TMEM200A: variants seen among roughly 807,000 people sequenced by gnomAD.
TMEM200A encodes transmembrane protein 200A.
In TMEM200A, 12 loss-of-function variants were observed where a neutral mutation model predicts 24.3. The ratio of observed to expected loss-of-function variants is 0.49; its 90% CI spans 0.32 to 0.80. TMEM200A has a LOEUF of 0.80. Among genes scored for constraint, TMEM200A ranks in the 30% least tolerant of loss-of-function variants. The probability of loss-of-function intolerance (pLI) is 0.04; values close to 1 mark genes in which losing one functional copy is unlikely to be tolerated. For synonymous variants in TMEM200A, 224 were observed against 224.4 expected (o/e 1.00, Z 0.02); for missense variants, 545 against 614.4 (o/e 0.89, Z 1.19).
chr6:130,417,918 T>C (rs777552744), intron 2 of TMEM200A, among the ~76,000 whole-genome samples: 25 of 152,140 alleles, frequency 1.6e-4, no homozygotes, highest in Non-Finnish European at 2.9e-4. Context: ...TTGCTCTTAA[T>C]TTGCACACAT....
At position 130,441,653 on chromosome 6, in the gene TMEM200A, G is replaced by A; in HGVS notation, c.1231G>A (p.Ala411Thr). ...GGGTCCCTCCACTCTAACTGTTCAG[G>A]CAGAACAACGGAAACATCCAAGTTG... Reference protein sequence around the residue: ...DRGPSTLTVQAEQRKHPSWPR... With the variant: ...DRGPSTLTVQTEQRKHPSWPR... The change falls in exon 3 of 3, where the codon GCA becomes ACA. Residue 411 changes from alanine to threonine, a missense_variant. Coordinates refer to ENST00000296978, the MANE Select transcript of TMEM200A (RefSeq NM_001258277.2). 1.2e-6 allele frequency: 2 copies of A among 1,614,012 alleles called. No individual in the cohort carries two copies. Among genetic ancestry groups the A allele is most frequent in the Non-Finnish European group, 1.7e-6 (2 of 1,179,990 alleles).
intron 1 of TMEM200A, among the ~76,000 whole-genome samples, chr6:130,376,315 G>A (rs1435016933): frequency 1.3e-5 from 2 of 152,188 alleles, no homozygotes; most frequent in South Asian, 4.2e-4. Flanking sequence ...CTGTCACCCA[G>A]GCTGGAGTGC....
At chr6:130,379,067 A>T (rs1778535693) in intron 1 of TMEM200A, among the ~76,000 whole-genome samples, 1 of 152,196 alleles carries the variant, frequency 6.6e-6, no homozygotes, top group South Asian at 2.1e-4. Context: ...GCATTACTCC[A>T]TCCATGAGGG....
At chr6:130,378,685 T>C (rs1778523656) in intron 1 of TMEM200A, among the ~76,000 whole-genome samples, 1 of 142,484 alleles carries the variant, frequency 7.0e-6, no homozygotes, top group African/African-American at 2.7e-5. Flanking sequence ...ATCGTGCCAC[T>C]GCACTCCAGC....
chr6:130,419,088 A>C (rs1302062862), intron 2 of TMEM200A, among the ~76,000 whole-genome samples: 1 of 152,060 alleles, frequency 6.6e-6, no homozygotes, highest in Non-Finnish European at 1.5e-5. Context: ...GTCTCTTCCT[A>C]GCCTCTGGAA....
intron 2 of TMEM200A, among the ~76,000 whole-genome samples, chr6:130,426,452 T>C (rs909872720): frequency 7.4e-5 from 10 of 135,986 alleles, no homozygotes; most frequent in African/African-American, 3.6e-4. Context: ...AGAAGAATCC[T>C]TTCTGCAGCC....
At chr6:130,432,499 C>G (rs1191818179) in intron 2 of TMEM200A, among the ~76,000 whole-genome samples, 3 of 152,164 alleles carry the variant, frequency 2.0e-5, no homozygotes, top group Admixed American at 1.3e-4. Context: ...TATACAGATT[C>G]CATTCAGATA....
intron 2 of TMEM200A, among the ~76,000 whole-genome samples, chr6:130,429,181 A>G (rs1218819971): frequency 6.6e-6 from 1 of 152,214 alleles, no homozygotes; most frequent in Non-Finnish European, 1.5e-5. Flanking sequence ...TATAAAGTTC[A>G]TGTGCAACAT....
intron 1 of TMEM200A, among the ~76,000 whole-genome samples, chr6:130,375,803 GT>G (rs1413541357): frequency 1.3e-5 from 2 of 152,084 alleles, no homozygotes; most frequent in Non-Finnish European, 2.9e-5. Flanking sequence ...AAAAATGAGT[GT>G]TGAGATGAAG....
At chr6:130,377,958 C>T (rs1270842982) in intron 1 of TMEM200A, among the ~76,000 whole-genome samples, 1 of 152,056 alleles carries the variant, frequency 6.6e-6, no homozygotes, top group African/African-American at 2.4e-5. Context: ...CTGAATGATG[C>T]CAGGGAAGAA....
chr6:130,412,500 C>T (rs1169000110), intron 2 of TMEM200A, among the ~76,000 whole-genome samples: 1 of 152,192 alleles, frequency 6.6e-6, no homozygotes, highest in Non-Finnish European at 1.5e-5. Context: ...ATATGAAGTG[C>T]TCCTCTCTTG....
In TMEM200A at chr6:130,421,533, TGTGC is replaced by T. The variant is rs1440874919; in HGVS notation, c.-16-18873_-16-18870del. 1.2e-4 allele frequency among the ~76,000 whole-genome samples: 18 copies of T among 152,088 alleles called. No individual in the cohort carries two copies. In the South Asian group the frequency reaches 3.5e-3, roughly 30 times the overall value. On this transcript the variant is annotated intron_variant, in intron 2 of 2. Transcript: ENST00000296978. ...CTTTGTGTGTGTGTGTGTGTGTGTG[TGTGC>T]ATGCGTACATGTTAAGAACACTTAA...
intron 2 of TMEM200A, among the ~76,000 whole-genome samples, chr6:130,404,511 C>T (rs576719599): frequency 6.6e-6 from 1 of 152,164 alleles, no homozygotes; most frequent in East Asian, 1.9e-4. Context: ...CCTTTGCACA[C>T]TTTTTAATGG....
chr6:130,432,238 G>A (rs1295406704), intron 2 of TMEM200A, among the ~76,000 whole-genome samples: 1 of 152,198 alleles, frequency 6.6e-6, no homozygotes, highest in Non-Finnish European at 1.5e-5. Context: ...GAATTGATCA[G>A]ATTACTCATT....
Position 130,440,639 on chromosome 6 carries a change from A to G in TMEM200A, c.217A>G (p.Ile73Val). The G allele has an allele frequency of 2.5e-6, 4 of 1,613,904 alleles. No individual in the cohort carries two copies. Among genetic ancestry groups the G allele is most frequent in the Non-Finnish European group, 3.4e-6 (4 of 1,179,812 alleles). Residue 73 changes from isoleucine to valine, a missense_variant, in exon 3 of 3, where the codon ATT becomes GTT. Physicochemically the swap from Ile to Val is conservative, Grantham distance 29 (BLOSUM62 3). Transcript: ENST00000296978. ...FFLILGVLISIIGIAMAVLGY... is the reference protein window; with the variant it reads ...FFLILGVLISVIGIAMAVLGY... Reference sequence around the variant, plus strand: ...TCTTATTTTAGGAGTGCTCATCTCCATTATAGGAATTGCTATGGCCGTTCT... The same window carrying G: ...TCTTATTTTAGGAGTGCTCATCTCCGTTATAGGAATTGCTATGGCCGTTCT...
chr6:130,399,016 A>G (rs918124904), intron 2 of TMEM200A, among the ~76,000 whole-genome samples: 1 of 151,930 alleles, frequency 6.6e-6, no homozygotes, highest in Non-Finnish European at 1.5e-5. Context: ...GTCTGAAAAT[A>G]TATTTATTTT....
rs201963998 is a variant in TMEM200A at position 130,441,063 on chromosome 6, C to T, written c.641C>T (p.Ser214Leu). 5.0e-6 allele frequency: 8 copies of T among 1,613,906 alleles called. No homozygotes were observed. Among genetic ancestry groups the T allele is most frequent in the African/African-American group, 1.3e-5 (1 of 75,044 alleles). ...RLAANTIASF[S>L]GFRSSFRMDS... ...GCAGCAAATACGATCGCCTCTTTCT[C>T]GGGTTTTCGGAGCAGTTTTCGAATG... Residue 214 changes from serine to leucine, a missense_variant, in exon 3 of 3, where the codon TCG (serine) becomes TTG (leucine). Physicochemically the swap from Ser to Leu is moderately radical, Grantham distance 145 (BLOSUM62 -2). Transcript: ENST00000296978.
chr6:130,385,335 G>A (rs1778687969), intron 2 of TMEM200A, 99 bp downstream of exon 2: 1 of 152,202 alleles, frequency 6.6e-6, no homozygotes, highest in Non-Finnish European at 1.5e-5. Context: ...TATTCTTCCA[G>A]TGAGCTAACA....
Position 130,441,886 on chromosome 6 carries a change from A to G in TMEM200A, c.1464A>G (p.Glu488=). 6.2e-7 allele frequency: 1 copy of G among 1,600,234 alleles called. No individual in the cohort carries two copies. The highest frequency in any genetic ancestry group is 1.1e-5 in the South Asian group (1 of 87,804). The part of the protein sequence containing the change: ...LSNNLKRGTS[E]TRF ...ACAACCTAAAGAGGGGAACTTCTGA[A>G]ACAAGGTTTTAATGTTAAAAGAATA... The change falls in exon 3 of 3, where the codon GAA becomes GAG. Residue 488 remains glutamate, a synonymous_variant. Coordinates refer to ENST00000296978, the MANE Select transcript of TMEM200A (RefSeq NM_001258277.2).
Sources: allele counts gnomAD v4.1 joint callset (sites outside exome capture counted in the v4.1 genomes callset), GRCh38; gene constraint gnomAD v4.1.1; transcripts MANE v1.5; gene names NCBI Gene and HGNC (gene_info 2026-07-23, HGNC 2026-07-21).